Variants in KLHL5 observed in about 807,000 individuals in gnomAD.
The protein encoded by KLHL5 is kelch-like protein 5.
KLHL5 carries 48 observed loss-of-function variants against 77.7 expected under a neutral mutation model. The ratio of observed to expected loss-of-function variants is 0.62; its 90% CI spans 0.49 to 0.79. The LOEUF (loss-of-function observed/expected upper bound fraction) is 0.79, where lower values mean the gene tolerates loss of function less well. Among genes scored for constraint, KLHL5 ranks in the 30% least tolerant of loss-of-function variants. The pLI, the probability that KLHL5 is intolerant of heterozygous loss-of-function variation, is 0.00. For missense variants in KLHL5, 723 were observed against 859.7 expected (o/e 0.84, Z 1.99); for synonymous variants, 260 against 297.0 (o/e 0.88, Z 1.28).
chr4:39,105,735 TATAC>T (rs1321918398), intron 7 of KLHL5, among the ~76,000 whole-genome samples: 2 of 72,914 alleles, frequency 2.7e-5, no homozygotes, highest in Non-Finnish European at 5.3e-5. Context: ...TGTATATATG[TATAC>T]ACACACACAC....
chr4:39,141,304 C>CTTTTTTTTTTTTTTTTTTT, the KLHL5 span, among the ~76,000 whole-genome samples: 1 of 75,626 alleles, frequency 1.3e-5, no homozygotes, highest in African/African-American at 4.9e-5. Context: ...ATTTTTTAGT[C>CTTTTTTTTTTTTTTTTTTT]TTTTTTTTTT....
chr4:39,109,778 A>T (rs1436471284), intron 8 of KLHL5, among the ~76,000 whole-genome samples: 5 of 150,938 alleles, frequency 3.3e-5, no homozygotes, highest in Non-Finnish European at 7.4e-5. Context: ...CAGCCTCCTG[A>T]GTTCCAGTGA....
At chr4:39,140,998 A>T in the KLHL5 span, among the ~76,000 whole-genome samples, 2 of 152,210 alleles carry the variant, frequency 1.3e-5, no homozygotes, top group African/African-American at 4.8e-5. Flanking sequence ...GTTTAAGGTG[A>T]TATTTACATT....
intron 2 of KLHL5, 117 bp from the exon 3 acceptor site, chr4:39,080,986 A>ATGCATTTTAAGCTTGACAAAT: frequency 1.1e-6 from 1 of 940,996 alleles, no homozygotes; most frequent in Non-Finnish European, 1.5e-6. Context: ...CAAGCTTAAA[A>ATGCATTTTAAGCTTGACAAAT]TGCATTTCCT....
At chr4:39,058,311 A>T (rs1243516779), upstream of KLHL5, among the ~76,000 whole-genome samples, 3 of 152,132 alleles carry the variant, frequency 2.0e-5, no homozygotes, top group African/African-American at 7.2e-5. Flanking sequence ...TAACATTGTG[A>T]TTTTTCTCCT....
At chr4:39,094,342 G>T (rs1000226967) in intron 5 of KLHL5, among the ~76,000 whole-genome samples, 4 of 151,520 alleles carry the variant, frequency 2.6e-5, no homozygotes, top group African/African-American at 7.3e-5. Context: ...GGTATAATAT[G>T]TAGAAACCTA....
At chr4:39,086,955 G>A (rs1720106296) in intron 5 of KLHL5, among the ~76,000 whole-genome samples, 1 of 118,944 alleles carries the variant, frequency 8.4e-6, no homozygotes. Flanking sequence ...TTGTTGCCCA[G>A]GCTGGAGTGC....
chr4:39,119,352 C>T (rs1463386210), intron 10 of KLHL5, among the ~76,000 whole-genome samples: 2 of 152,076 alleles, frequency 1.3e-5, no homozygotes, highest in Admixed American at 6.6e-5. Context: ...TTTGGGAGGC[C>T]GAAGCAGGTG....
At chr4:39,115,388 T>TGG in intron 10 of KLHL5, 58 bp downstream of exon 10, 1 of 1,599,012 alleles carries the variant, frequency 6.3e-7, no homozygotes, top group East Asian at 2.3e-5. Context: ...ACAATTCTTA[T>TGG]GGTAAAACAG....
chr4:39,106,255 T>G (rs1474470760), intron 7 of KLHL5, among the ~76,000 whole-genome samples: 2 of 152,202 alleles, frequency 1.3e-5, no homozygotes, highest in African/African-American at 4.8e-5. Flanking sequence ...CTGCCTCACC[T>G]TCTCTTTCCC....
chr4:39,076,210 T>G (rs1484558354), intron 2 of KLHL5, 63 bp downstream of exon 2: 4 of 1,396,136 alleles, frequency 2.9e-6, no homozygotes, highest in Non-Finnish European at 3.9e-6. Flanking sequence ...ATATGTATAT[T>G]GAGGTAACCT....
At chr4:39,048,638 CTTTTTTTTTT>C (rs34713116) in intron 1 of KLHL5, among the ~76,000 whole-genome samples, 1 of 79,144 alleles carries the variant, frequency 1.3e-5, no homozygotes, top group East Asian at 4.6e-4. Context: ...TTTACATTGG[CTTTTTTTTTT>C]TTTTTTTTTT....
intron 10 of KLHL5, among the ~76,000 whole-genome samples, chr4:39,117,044 C>T (rs1332447779): frequency 6.6e-6 from 1 of 152,138 alleles, no homozygotes; most frequent in Admixed American, 6.6e-5. Context: ...GTCATGTTGG[C>T]CAGGCTGGTC....
At chr4:39,047,050 C>T (rs190607667) in intron 1 of KLHL5, among the ~76,000 whole-genome samples, 5 of 152,214 alleles carry the variant, frequency 3.3e-5, no homozygotes, top group Admixed American at 6.5e-5. Flanking sequence ...TGTTTTAAAG[C>T]GGGATGTATT....
upstream of KLHL5, chr4:39,044,994 G>A (rs1716037462): frequency 2.0e-6 from 2 of 990,664 alleles, no homozygotes; most frequent in Admixed American, 6.2e-5. Context: ...GAGGGGCCGA[G>A]CATCCCACTC....
intron 1 of KLHL5, among the ~76,000 whole-genome samples, chr4:39,074,419 T>C (rs1718807053): frequency 6.6e-6 from 1 of 152,224 alleles, no homozygotes. Context: ...TTTCTAAGTC[T>C]TCAATCCTCT....
rs772329173 is a variant in KLHL5 at position 39,062,987 on chromosome 4, A to G, written c.335A>G (p.Asp112Gly). 1.2e-4 allele frequency: 188 copies of G among 1,613,740 alleles called. No homozygotes were observed. The highest frequency in any genetic ancestry group is 1.4e-4 in the Non-Finnish European group (170 of 1,179,946). ...CATTGGCTGGATAGACCAGAAGTGG[A>G]TGATGGCACTAGTGAAGAAGAAAAT... is the stretch of plus-strand genomic sequence containing the variant. ...GAHWLDRPEVDDGTSEEENES... is the reference protein window; with the variant it reads ...GAHWLDRPEVGDGTSEEENES... Residue 112 changes from aspartate to glycine, a missense_variant, in exon 1 of 11, where the codon GAT (aspartate) becomes GGT (glycine). Transcript: ENST00000504108.
intron 8 of KLHL5, 137 bp downstream of exon 8, chr4:39,107,868 A>G (rs1722167561): frequency 5.2e-6 from 3 of 571,824 alleles, no homozygotes; most frequent in Non-Finnish European, 5.8e-6. Context: ...TTTCTATAAT[A>G]GTTGTAAATA....
chr4:39,088,807 T>C (rs561837944), intron 5 of KLHL5, among the ~76,000 whole-genome samples: 8 of 152,022 alleles, frequency 5.3e-5, no homozygotes, highest in African/African-American at 1.9e-4. Context: ...CCAGGAGAAA[T>C]AGGAGCTTGT....
Sources: gnomAD v4.1 joint callset for allele counts (sites outside exome capture counted in the v4.1 genomes callset) on GRCh38, gnomAD v4.1.1 for gene constraint, MANE v1.5 for transcripts, NCBI Gene and HGNC (gene_info 2026-07-23, HGNC 2026-07-21) for gene names.